The following PGLYRP4 variants were observed in gnomAD, a reference collection of about 807,000 sequenced individuals.
The protein encoded by PGLYRP4 is PGRP-I-beta.
A neutral mutation model predicts 41.2 loss-of-function variants in PGLYRP4; 39 were observed. That is an observed-to-expected ratio of 0.95 (90% CI 0.73 to 1.24). The LOEUF (loss-of-function observed/expected upper bound fraction) is 1.24, where lower values mean the gene tolerates loss of function less well. Among genes scored for constraint, PGLYRP4 ranks in the 50% most tolerant of loss-of-function variants. The probability of loss-of-function intolerance (pLI) is 0.00; values close to 1 mark genes in which losing one functional copy is unlikely to be tolerated. For synonymous variants in PGLYRP4, 202 were observed against 186.8 expected (o/e 1.08, Z -0.66); for missense variants, 467 against 460.7 (o/e 1.01, Z -0.13).
chr1:153,331,023 T>A (rs1660314930), intron 8 of PGLYRP4, 78 bp from the exon 9 acceptor site: 2 of 1,211,978 alleles, frequency 1.7e-6, no homozygotes, highest in South Asian at 3.2e-5. Flanking sequence ...GAACCCACCC[T>A]CATCACCAAG....
chr1:153,336,369 CAAAAAA>C (rs58665160), intron 8 of PGLYRP4, among the ~76,000 whole-genome samples: 2 of 76,500 alleles, frequency 2.6e-5, no homozygotes, highest in Non-Finnish European at 4.5e-5. Context: ...GACTCCATCT[CAAAAAA>C]AAAAAAAAAA....
chr1:153,339,509 A>C (rs1186528575), intron 7 of PGLYRP4, among the ~76,000 whole-genome samples: 1 of 152,230 alleles, frequency 6.6e-6, no homozygotes, highest in Non-Finnish European at 1.5e-5. Context: ...ATGTGCATGA[A>C]TATGCCAAAT....
At chr1:153,333,127 T>C (rs1452681373) in intron 8 of PGLYRP4, among the ~76,000 whole-genome samples, 1 of 152,028 alleles carries the variant, frequency 6.6e-6, no homozygotes, top group Non-Finnish European at 1.5e-5. Context: ...AACAAAAAGT[T>C]GGTTATTTGA....
At chr1:153,342,456 C>A (rs3006451) in intron 5 of PGLYRP4, among the ~76,000 whole-genome samples, 126,396 of 152,134 alleles carry the variant, frequency 0.83, 52,690 homozygotes, top group East Asian at 0.88. Context: ...TACCTGGACT[C>A]TCTCAAAAGG....
At position 153,348,686 on chromosome 1, in the gene PGLYRP4, C is replaced by T. The variant is rs1661115667; in HGVS notation, c.-205G>A. The stretch of plus-strand genomic sequence containing the variant: ...CTCCTCCAGCCTTCACTCTCCCTAG[C>T]CCTAGAGGGCACTCCCTCCCTGGGA... On this transcript the variant is annotated 5_prime_UTR_variant, in exon 1 of 9. Coordinates refer to ENST00000359650, the MANE Select transcript of PGLYRP4 (RefSeq NM_020393.4). The T allele has an allele frequency of 6.6e-6, 1 of 152,420 alleles. No homozygotes were observed. Among genetic ancestry groups the T allele is most frequent in the Admixed American group, 6.5e-5 (1 of 15,290 alleles). The allele number at this position is 152,420 out of a possible 1,614,324, so 9.4% of individuals were successfully genotyped here. A position where few individuals can be genotyped will look rare whatever the true frequency, so the allele number is the denominator to read the frequency against.
At chr1:153,334,438 ATG>A (rs891237331) in intron 8 of PGLYRP4, among the ~76,000 whole-genome samples, 25 of 147,612 alleles carry the variant, frequency 1.7e-4, no homozygotes, top group African/African-American at 5.4e-4. Context: ...TAGTATGTGT[ATG>A]TGTGTGTATA....
rs1660866811 is a variant in PGLYRP4 at position 153,343,154 on chromosome 1, T to C, written c.408A>G (p.Gln136=). ...TGTTGTAGCCTTGGGTGTGCACTCCTTGGATATTCCAGCCAACACCTTCAT... is the reference window on the plus strand; with the variant it reads ...TGTTGTAGCCTTGGGTGTGCACTCCCTGGATATTCCAGCCAACACCTTCAT... ...RVYEGVGWNI[Q]GVHTQGYNNI... The change falls in exon 5 of 9, where the codon CAA becomes CAG. Residue 136 remains glutamine (Q), a synonymous_variant. Transcript: ENST00000359650. The C allele has an allele frequency of 6.2e-7, 1 of 1,614,052 alleles. No homozygotes were observed. The highest frequency in any genetic ancestry group is 2.2e-5 in the East Asian group (1 of 44,872).
chr1:153,344,933 A>C (rs1261310526), intron 4 of PGLYRP4: 1 of 509,938 alleles, frequency 2.0e-6, no homozygotes, highest in Non-Finnish European at 3.6e-6. Flanking sequence ...GGGAGGGTAG[A>C]GAATACAGTT....
At chr1:153,342,294 G>C (rs1387655399) in intron 5 of PGLYRP4, among the ~76,000 whole-genome samples, 3 of 152,196 alleles carry the variant, frequency 2.0e-5, no homozygotes, top group Non-Finnish European at 4.4e-5. Context: ...GATAAACACA[G>C]AGTCCTCTGG....
rs1056348367 is a variant in PGLYRP4 at position 153,347,961 on chromosome 1, G to A, written c.-29C>T. ...CACGTGGTCCCAGGACACCAATCTG[G>A]AGAGTGTGGATGGCAGCCTGAGAGA... On this transcript the variant is annotated 5_prime_UTR_variant, in exon 2 of 9. Transcript: ENST00000359650. 3 of 1,595,322 alleles carry A rather than the reference G, an allele frequency of 1.9e-6. No homozygotes were observed. In the African/African-American group the frequency reaches 4.0e-5, roughly 21 times the overall value.
At chr1:153,347,741 T>A in intron 2 of PGLYRP4, 143 bp downstream of exon 2, 1 of 671,882 alleles carries the variant, frequency 1.5e-6, no homozygotes, top group Non-Finnish European at 2.7e-6. Context: ...TCACTCAGGC[T>A]GGAGTGCAGT....
intron 7 of PGLYRP4, among the ~76,000 whole-genome samples, chr1:153,338,926 G>A (rs1660682269): frequency 6.6e-6 from 1 of 152,208 alleles, no homozygotes; most frequent in Admixed American, 6.5e-5. Flanking sequence ...CTCCATGCAG[G>A]CAAGAACCAT....
intron 8 of PGLYRP4, among the ~76,000 whole-genome samples, chr1:153,334,463 T>TG (rs1491253577): frequency 7.5e-6 from 1 of 133,054 alleles, no homozygotes; most frequent in Non-Finnish European, 1.6e-5. Context: ...TATATATATA[T>TG]TTATTTATAT....
chr1:153,336,033 G>T (rs1382065745), intron 8 of PGLYRP4, among the ~76,000 whole-genome samples: 1 of 85,718 alleles, frequency 1.2e-5, no homozygotes, highest in Non-Finnish European at 2.3e-5. Context: ...TAAAGAAAAG[G>T]TAGGGTGCGT....
At chr1:153,346,394 C>T (rs1661009798) in intron 2 of PGLYRP4, among the ~76,000 whole-genome samples, 1 of 152,072 alleles carries the variant, frequency 6.6e-6, no homozygotes, top group South Asian at 2.1e-4. Flanking sequence ...TCCATGCCAA[C>T]TCTGGGAAAT....
rs1248842295 is a variant in PGLYRP4 at position 153,330,497 on chromosome 1, G to T, written c.*270C>A. On this transcript the variant is annotated 3_prime_UTR_variant, in exon 9 of 9. Transcript: ENST00000359650. ...AAGAACCAGCCCATTGTCTCACCTG[G>T]CTGAGGAGTTGGGTTTCCAAGGGAG... 7.8e-6 allele frequency: 2 copies of T among 256,352 alleles called. No individual in the cohort carries two copies. Among genetic ancestry groups the T allele is most frequent in the East Asian group, 1.4e-4 (2 of 14,188 alleles). The allele number at this position is 256,352 out of a possible 1,614,324, so 15.9% of individuals were successfully genotyped here.
chr1:153,345,153 C>T lies in PGLYRP4; in HGVS notation c.353+16G>A. The T allele has an allele frequency of 6.3e-7, 1 of 1,593,978 alleles. No individual in the cohort carries two copies. The highest frequency in any genetic ancestry group is 1.1e-5 in the South Asian group (1 of 90,806). Reference sequence around the variant, plus strand: ...AACACTGACCATGTGCCGTGGGACCCAGACCCAGCTCTTACTTGTAGGCCA... The same window carrying T: ...AACACTGACCATGTGCCGTGGGACCTAGACCCAGCTCTTACTTGTAGGCCA... On this transcript the variant is annotated intron_variant, in intron 4 of 8. Transcript: ENST00000359650.
At position 153,341,698 on chromosome 1, in the gene PGLYRP4, C is replaced by T. The variant is rs773816873; in HGVS notation, c.554G>A (p.Ser185Asn). Reference sequence around the variant, plus strand: ...TTTCCCAAGAAGTGGCTGAACATAACTGGATGACAGGTGGCCCTTCTGGAC... The same window carrying T: ...TTTCCCAAGAAGTGGCTGAACATAATTGGATGACAGGTGGCCCTTCTGGAC... Reference protein sequence around the residue: ...YAVQKGHLSSSYVQPLLGKGE... With the variant: ...YAVQKGHLSSNYVQPLLGKGE... The change falls in exon 6 of 9, where the codon AGT (serine) becomes AAT (asparagine). Residue 185 changes from serine (S) to asparagine (N), a missense_variant. Transcript: ENST00000359650. The T allele has an allele frequency of 2.5e-6, 4 of 1,614,002 alleles. No homozygotes were observed. In the East Asian group the frequency reaches 6.7e-5, roughly 27 times the overall value.
At chr1:153,342,191 A>G (rs1227655871) in intron 5 of PGLYRP4, among the ~76,000 whole-genome samples, 1 of 152,236 alleles carries the variant, frequency 6.6e-6, no homozygotes, top group African/African-American at 2.4e-5. Context: ...TTATTTGTGA[A>G]GAGGAACTTG....
Sources: allele counts gnomAD v4.1 joint callset (sites outside exome capture counted in the v4.1 genomes callset), GRCh38; gene constraint gnomAD v4.1.1; transcripts MANE v1.5; gene names NCBI Gene and HGNC (gene_info 2026-07-23, HGNC 2026-07-21).